PTPRD: variants seen among roughly 807,000 people sequenced by gnomAD.
PTPRD encodes protein tyrosine phosphatase receptor type D, also known as receptor-type tyrosine-protein phosphatase delta.
Under a neutral mutation model 214.5 loss-of-function variants are expected in PTPRD, and 34 were observed. The ratio of observed to expected loss-of-function variants is 0.16; its 90% CI spans 0.12 to 0.21. The LOEUF (loss-of-function observed/expected upper bound fraction) is 0.21. Ranked by LOEUF, PTPRD falls within the 10% of genes least tolerant of loss-of-function variation. The probability of loss-of-function intolerance (pLI) is 1.00; values close to 1 mark genes in which losing one functional copy is unlikely to be tolerated. For synonymous variants in PTPRD, 1,128 were observed against 845.7 expected, an observed-to-expected ratio of 1.33 and a Z score of -5.79; for missense variants, 2,545 against 2,398.7, an observed-to-expected ratio of 1.06 and a Z score of -1.27.
intron 2 of PTPRD, among the ~76,000 whole-genome samples, chr9:10,529,980 G>A (rs961676409): frequency 6.0e-5 from 9 of 149,976 alleles, no homozygotes; most frequent in Non-Finnish European, 1.3e-4. Context: ...TAGACGACAG[G>A]TTGTTAGGGG....
intron 4 of PTPRD, among the ~76,000 whole-genome samples, chr9:10,022,390 A>C (rs964569262): frequency 6.9e-6 from 1 of 145,308 alleles, no homozygotes; most frequent in Non-Finnish European, 1.5e-5. Context: ...TTTCTAATTT[A>C]TTGGCACACA....
At chr9:8,460,605 A>G (rs1409288198) in intron 32 of PTPRD, 34 bp from the exon 33 acceptor site, 4 of 1,591,422 alleles carry the variant, frequency 2.5e-6, no homozygotes, top group East Asian at 2.2e-5. Context: ...CAGTTATAAA[A>G]TAATGACTTT....
chr9:8,791,482 C>G (rs1306521386), intron 11 of PTPRD, among the ~76,000 whole-genome samples: 1 of 151,172 alleles, frequency 6.6e-6, no homozygotes, highest in African/African-American at 2.4e-5. Flanking sequence ...CCTTGGCCTC[C>G]CAAAGTGCTC....
At chr9:8,323,727 C>T (rs1587477003) in intron 44 of PTPRD, among the ~76,000 whole-genome samples, 1 of 152,122 alleles carries the variant, frequency 6.6e-6, no homozygotes, top group South Asian at 2.1e-4. Flanking sequence ...AAAGTGGCTT[C>T]TCAAGATGGA....
chr9:10,089,786 A>G (rs1360234439), intron 3 of PTPRD, among the ~76,000 whole-genome samples: 1 of 151,660 alleles, frequency 6.6e-6, no homozygotes, highest in Non-Finnish European at 1.5e-5. Flanking sequence ...CATATATTAA[A>G]TGAACTAGGT....
intron 5 of PTPRD, among the ~76,000 whole-genome samples, chr9:9,816,498 T>A (rs2048818451): frequency 1.3e-5 from 2 of 152,208 alleles, no homozygotes; most frequent in South Asian, 4.1e-4. Context: ...ATTTGAATAA[T>A]ATATTTGAAT....
chr9:8,775,283 G>C (rs996125575), intron 11 of PTPRD, among the ~76,000 whole-genome samples: 1 of 152,118 alleles, frequency 6.6e-6, no homozygotes, highest in African/African-American at 2.4e-5. Flanking sequence ...TTCTCAGCAA[G>C]AATAAAGACC....
chr9:9,151,454 G>A (rs1401121518), intron 10 of PTPRD, among the ~76,000 whole-genome samples: 1 of 152,142 alleles, frequency 6.6e-6, no homozygotes, highest in Non-Finnish European at 1.5e-5. Context: ...GCAGGCGTCT[G>A]GGGATGGGTG....
intron 2 of PTPRD, among the ~76,000 whole-genome samples, chr9:10,543,303 C>T (rs772786789): frequency 2.6e-5 from 4 of 152,074 alleles, no homozygotes; most frequent in Non-Finnish European, 5.9e-5. Context: ...ATATAATTTA[C>T]TTATATAATT....
intron 10 of PTPRD, among the ~76,000 whole-genome samples, chr9:9,160,193 G>A (rs2099885291): frequency 6.6e-6 from 1 of 152,106 alleles, no homozygotes; most frequent in Non-Finnish European, 1.5e-5. Context: ...AGACAAATGG[G>A]ATTGTATCAA....
chr9:8,481,566 A>C (rs1013090841), intron 30 of PTPRD, among the ~76,000 whole-genome samples: 1 of 152,074 alleles, frequency 6.6e-6, no homozygotes, highest in African/African-American at 2.4e-5. Context: ...CCTTCTAGAA[A>C]ATCCCTTTGC....
chr9:10,487,120 T>G (rs774894383), intron 2 of PTPRD, among the ~76,000 whole-genome samples: 1 of 152,178 alleles, frequency 6.6e-6, no homozygotes, highest in Non-Finnish European at 1.5e-5. Context: ...GTATAGCTAC[T>G]CTCACTCTTC....
At chr9:9,953,875 C>G (rs926793163) in intron 4 of PTPRD, among the ~76,000 whole-genome samples, 2 of 152,168 alleles carry the variant, frequency 1.3e-5, no homozygotes, top group African/African-American at 4.8e-5. Context: ...CATACACACA[C>G]TCAATGTTGC....
chr9:9,962,114 C>T (rs2094405616), intron 4 of PTPRD, among the ~76,000 whole-genome samples: 1 of 151,960 alleles, frequency 6.6e-6, no homozygotes, highest in Admixed American at 6.6e-5. Context: ...GACAGCAGAA[C>T]CAAATTTTTA....
Position 10,077,843 on chromosome 9 carries a change from T to A in PTPRD, c.-544-44053A>T, listed in dbSNP as rs565716455. On this transcript the variant is annotated intron_variant, in intron 3 of 45. Coordinates refer to ENST00000381196, the MANE Select transcript of PTPRD (RefSeq NM_002839.4). ...GACATGATCTCTCTTTTTTTTTTTT[T>A]AAAAGGTTGCACAGTGGAATCGGCA... Among the ~76,000 whole-genome samples the A allele has an allele frequency of 4.4e-3, 650 of 149,284 alleles. 2 individuals are homozygous for A. Among genetic ancestry groups the A allele is most frequent in the Non-Finnish European group, 7.2e-3 (480 of 66,824 alleles).
intron 9 of PTPRD, among the ~76,000 whole-genome samples, chr9:9,323,739 T>G (rs1178986161): frequency 6.6e-6 from 1 of 152,168 alleles, no homozygotes; most frequent in Non-Finnish European, 1.5e-5. Context: ...ATGTGCACAA[T>G]GTGCAGGTTT....
At chr9:9,960,685 G>A (rs567639017) in intron 4 of PTPRD, among the ~76,000 whole-genome samples, 1 of 152,204 alleles carries the variant, frequency 6.6e-6, no homozygotes, top group Non-Finnish European at 1.5e-5. Context: ...GGGGCATCCT[G>A]CAAAATAGTT....
In PTPRD at chr9:10,012,266, A is replaced by G. The variant is rs542025872; in HGVS notation, c.-472+21452T>C. Among the ~76,000 whole-genome samples, 236 of 152,054 alleles carry G rather than the reference A, an allele frequency of 1.6e-3. 3 individuals are homozygous for G. Among genetic ancestry groups the G allele is most frequent in the African/African-American group, 5.2e-3 (218 of 41,552 alleles). ...ACCAAATTGAAATGAGGTTTTAATC[A>G]CAAGATGAAGTGAGAGATAACAAAA... On this transcript the variant is annotated intron_variant, in intron 4 of 45. Transcript: ENST00000381196.
chr9:10,146,489 A>T (rs1476866912), intron 3 of PTPRD, among the ~76,000 whole-genome samples: 2 of 152,112 alleles, frequency 1.3e-5, no homozygotes, highest in Admixed American at 6.6e-5. Flanking sequence ...AATCGGTTGA[A>T]ATTATGACCT....
Sources: allele counts gnomAD v4.1 joint callset (sites outside exome capture counted in the v4.1 genomes callset), GRCh38; gene constraint gnomAD v4.1.1; transcripts MANE v1.5; gene names NCBI Gene and HGNC (gene_info 2026-07-23, HGNC 2026-07-21).